The following KIF26B variants were observed in gnomAD, a reference collection of about 807,000 sequenced individuals.
KIF26B encodes the protein kinesin-like protein KIF26B.
In KIF26B, 63 loss-of-function variants were observed where a neutral mutation model predicts 151.2. That is an observed-to-expected ratio of 0.42 (90% CI 0.34 to 0.51). The LOEUF (loss-of-function observed/expected upper bound fraction) is 0.51. KIF26B is among the 20% of genes least tolerant of loss of function. The pLI is 0.07. For missense variants in KIF26B, 2,813 were observed against 2,913.6 expected (o/e 0.97, Z 0.79); for synonymous variants, 1,357 against 1,262.1 (o/e 1.08, Z -1.59).
chr1:245,617,996 C>A (rs921440295), intron 9 of KIF26B, among the ~76,000 whole-genome samples: 1 of 152,088 alleles, frequency 6.6e-6, no homozygotes, highest in African/African-American at 2.4e-5. Context: ...ATTGGGACCC[C>A]CTCAGTGGTC....
chr1:245,174,141 A>G (rs1668762630), intron 2 of KIF26B, among the ~76,000 whole-genome samples: 1 of 152,250 alleles, frequency 6.6e-6, no homozygotes, highest in African/African-American at 2.4e-5. Flanking sequence ...CTTGACAGCA[A>G]TATGCTCAAT....
intron 2 of KIF26B, among the ~76,000 whole-genome samples, chr1:245,348,597 T>A (rs1250053106): frequency 1.3e-5 from 2 of 152,168 alleles, no homozygotes; most frequent in African/African-American, 4.8e-5. Flanking sequence ...ACTAATGTCA[T>A]TCCTAATGAC....
chr1:245,262,305 T>G (rs949696547), intron 2 of KIF26B, among the ~76,000 whole-genome samples: 1 of 152,212 alleles, frequency 6.6e-6, no homozygotes, highest in Non-Finnish European at 1.5e-5. Flanking sequence ...ATTTCCTTGG[T>G]GAGAGCTGCT....
At chr1:245,365,311 T>C (rs1260357548) in intron 2 of KIF26B, among the ~76,000 whole-genome samples, 1 of 152,156 alleles carries the variant, frequency 6.6e-6, no homozygotes. Context: ...CTGTCTTGAG[T>C]GTCTCCCTCC....
intron 5 of KIF26B, among the ~76,000 whole-genome samples, chr1:245,559,852 G>T (rs966174355): frequency 6.6e-6 from 1 of 151,450 alleles, no homozygotes; most frequent in Non-Finnish European, 1.5e-5. Flanking sequence ...AGCCTAACAA[G>T]GTTTTTTGTT....
At chr1:245,578,172 A>C (rs1337077963) in intron 5 of KIF26B, among the ~76,000 whole-genome samples, 1 of 152,254 alleles carries the variant, frequency 6.6e-6, no homozygotes, top group African/African-American at 2.4e-5. Flanking sequence ...AGAAATTCAT[A>C]AGATGTGTGT....
chr1:245,394,820 A>G (rs1178635626), intron 3 of KIF26B, among the ~76,000 whole-genome samples: 1 of 151,426 alleles, frequency 6.6e-6, no homozygotes, highest in Non-Finnish European at 1.5e-5. Flanking sequence ...CCTCCCGAGT[A>G]GCTGATATTA....
chr1:245,266,554 G>T (rs760173833), intron 2 of KIF26B, among the ~76,000 whole-genome samples: 9 of 149,854 alleles, frequency 6.0e-5, no homozygotes, highest in Middle Eastern at 3.5e-3. Context: ...TGTCACCCAC[G>T]CGGAGTGCAG....
Position 245,690,746 on chromosome 1 carries a change from G to GC in KIF26B, c.5824+1939_5824+1940insC, listed in dbSNP as rs1349019082. Among the ~76,000 whole-genome samples the GC allele has an allele frequency of 4.7e-5, 7 of 149,108 alleles. No individual in the cohort carries two copies. In the South Asian group the frequency reaches 6.5e-4, roughly 14 times the overall value. On this transcript the variant is annotated intron_variant, in intron 12 of 14. Coordinates refer to ENST00000407071, the MANE Select transcript of KIF26B (RefSeq NM_018012.4). ...CTTGACATCTTTATTTGCCTGGGGG[G>GC]GGGGTATGCTTCAGTCTTTGATACG...
intron 2 of KIF26B, among the ~76,000 whole-genome samples, chr1:245,157,234 C>T (rs1668453788): frequency 6.6e-6 from 1 of 152,236 alleles, no homozygotes; most frequent in African/African-American, 2.4e-5. Flanking sequence ...CTCTTCGGAG[C>T]AGTGCTCCCT....
intron 10 of KIF26B, among the ~76,000 whole-genome samples, chr1:245,671,457 G>A (rs368027158): frequency 2.6e-5 from 4 of 152,192 alleles, no homozygotes; most frequent in Admixed American, 2.6e-4. Flanking sequence ...AAAGTAGAAT[G>A]GTGGTTACCG....
rs142497590 is a variant in KIF26B at position 245,690,699 on chromosome 1, G to C, written c.5824+1892G>C. Among the ~76,000 whole-genome samples the C allele has an allele frequency of 3.4e-3, 518 of 151,790 alleles. 2 individuals are homozygous for C. The highest frequency in any genetic ancestry group is 6.5e-3 in the South Asian group (31 of 4,748). ...GATGTTAGGCTCTAAGCATGGTAGG[G>C]AATCATCGTGGCTGTCAGTACCTTG... On this transcript the variant is annotated intron_variant, in intron 12 of 14. Coordinates refer to ENST00000407071, the MANE Select transcript of KIF26B (RefSeq NM_018012.4).
At chr1:245,261,528 TCCCTCTCTCC>T (rs1476788091) in intron 2 of KIF26B, among the ~76,000 whole-genome samples, 3 of 121,330 alleles carry the variant, frequency 2.5e-5, no homozygotes, top group African/African-American at 9.2e-5. Flanking sequence ...TCCCTCTCTC[TCCCTCTCTCC>T]CCCTCTCTCC....
At chr1:245,640,143 C>CTCTCTCTATATATATATATATATA in intron 9 of KIF26B, among the ~76,000 whole-genome samples, 1 of 31,934 alleles carries the variant, frequency 3.1e-5, no homozygotes, top group African/African-American at 1.4e-4. Context: ...CTCTCTCTCT[C>CTCTCTCTATATATATATATATATA]TATATATATA....
At position 245,315,710 on chromosome 1, in the gene KIF26B, C is replaced by CA. The variant is rs34972152; in HGVS notation, c.466-51108dup. Reference sequence around the variant, plus strand: ...GCACTCCAGCCTGGGTGACAGAGTGCAAAAAAAAAAAAAAAAGAAAAAGAA... The same window carrying CA: ...GCACTCCAGCCTGGGTGACAGAGTGCAAAAAAAAAAAAAAAAAGAAAAAGAA... On this transcript the variant is annotated intron_variant, in intron 2 of 14. Transcript: ENST00000407071. Among the ~76,000 whole-genome samples the CA allele has an allele frequency of 2.3e-3, 276 of 119,460 alleles. 1 individual carries two copies. The highest frequency in any genetic ancestry group is 8.1e-3 in the South Asian group (30 of 3,684). 78.4% of individuals were successfully genotyped at this position (119,460 alleles called of 152,430 possible). A position where few individuals can be genotyped will look rare whatever the true frequency, so the allele number is the denominator to read the frequency against.
intron 2 of KIF26B, among the ~76,000 whole-genome samples, chr1:245,171,267 C>G (rs139424359): frequency 6.6e-6 from 1 of 152,122 alleles, no homozygotes; most frequent in South Asian, 2.1e-4. Context: ...ACATGGGGCC[C>G]GCACGGTGGC....
intron 3 of KIF26B, among the ~76,000 whole-genome samples, chr1:245,370,994 G>C (rs1318745220): frequency 1.3e-5 from 2 of 152,162 alleles, no homozygotes; most frequent in African/African-American, 4.8e-5. Flanking sequence ...ATGCCGCGGT[G>C]CTTTGGGGGC....
chr1:245,345,389 T>G (rs1211341056), intron 2 of KIF26B, among the ~76,000 whole-genome samples: 3 of 152,116 alleles, frequency 2.0e-5, no homozygotes, highest in Non-Finnish European at 4.4e-5. Context: ...TGTTTATGCC[T>G]CTCCCAACAG....
At chr1:245,173,304 C>G (rs1668744677) in intron 2 of KIF26B, among the ~76,000 whole-genome samples, 1 of 152,138 alleles carries the variant, frequency 6.6e-6, no homozygotes, top group South Asian at 2.1e-4. Flanking sequence ...TGGGGGCGTA[C>G]ATAATGTCAC....
Sources: allele counts gnomAD v4.1 joint callset (sites outside exome capture counted in the v4.1 genomes callset), GRCh38; gene constraint gnomAD v4.1.1; transcripts MANE v1.5; gene names NCBI Gene and HGNC (gene_info 2026-07-23, HGNC 2026-07-21).